MYO5B: variants seen among roughly 807,000 people sequenced by gnomAD.
MYO5B encodes the protein myosin VB, also known as unconventional myosin-Vb.
MYO5B carries 143 observed loss-of-function variants against 229.3 expected under a neutral mutation model. That is an observed-to-expected ratio of 0.62 (90% CI 0.54 to 0.72). The LOEUF is 0.72. Ranked by LOEUF, MYO5B falls within the 30% of genes least tolerant of loss-of-function variation. The pLI is 0.00. For synonymous variants in MYO5B, 918 were observed against 885.2 expected (o/e 1.04, Z -0.66); for missense variants, 2,321 against 2,331.0 (o/e 1.00, Z 0.09).
intron 1 of MYO5B, among the ~76,000 whole-genome samples, chr18:50,057,055 CT>C (rs1490595243): frequency 6.6e-6 from 1 of 152,166 alleles, no homozygotes; most frequent in African/African-American, 2.4e-5. Context: ...TAACAAAGAG[CT>C]TTATTGCATC....
chr18:49,919,102 TG>T (rs1271962419), intron 17 of MYO5B, among the ~76,000 whole-genome samples: 1 of 152,240 alleles, frequency 6.6e-6, no homozygotes, highest in African/African-American at 2.4e-5. Flanking sequence ...CAATGGTCAA[TG>T]TGATCCTTTC....
intron 4 of MYO5B, among the ~76,000 whole-genome samples, chr18:50,011,604 G>C (rs1403586602): frequency 6.6e-6 from 1 of 152,004 alleles, no homozygotes; most frequent in African/African-American, 2.4e-5. Flanking sequence ...AGGGAATCTG[G>C]GAACTGCCCG....
chr18:50,100,698 C>G (rs2031637918), intron 1 of MYO5B, among the ~76,000 whole-genome samples: 1 of 152,214 alleles, frequency 6.6e-6, no homozygotes, highest in South Asian at 2.1e-4. Context: ...CCTCTCTTTT[C>G]CAGGTCTAGG....
chr18:49,852,666 C>T (rs555450746), intron 31 of MYO5B, among the ~76,000 whole-genome samples: 20 of 152,184 alleles, frequency 1.3e-4, no homozygotes, highest in South Asian at 6.2e-4. Flanking sequence ...TGCTGAGCCC[C>T]GCCCTCCGAC....
At chr18:50,145,105 G>A (rs1171956134) in intron 1 of MYO5B, among the ~76,000 whole-genome samples, 3 of 152,104 alleles carry the variant, frequency 2.0e-5, no homozygotes, top group Non-Finnish European at 4.4e-5. Flanking sequence ...TCAGCACAGA[G>A]GAAGTTGAGG....
At chr18:50,039,995 C>T (rs916177520) in intron 3 of MYO5B, 148 bp downstream of exon 3, 2 of 881,934 alleles carry the variant, frequency 2.3e-6, no homozygotes, top group Non-Finnish European at 3.7e-6. Flanking sequence ...AAGCCACATT[C>T]ACTGATTGCA....
chr18:49,942,117 G>T (rs1206978206), intron 14 of MYO5B, among the ~76,000 whole-genome samples: 1 of 149,150 alleles, frequency 6.7e-6, no homozygotes, highest in Admixed American at 6.7e-5. Context: ...ATAGTGCTGG[G>T]AAAACTGGCT....
chr18:49,869,186 A>T (rs564197874), intron 27 of MYO5B, among the ~76,000 whole-genome samples: 35 of 152,214 alleles, frequency 2.3e-4, no homozygotes, highest in Admixed American at 1.6e-3. Flanking sequence ...TGCACACTTC[A>T]GAGCATTCAG....
At chr18:49,868,321 A>G (rs895979094) in intron 27 of MYO5B, among the ~76,000 whole-genome samples, 2 of 151,298 alleles carry the variant, frequency 1.3e-5, no homozygotes, top group African/African-American at 4.9e-5. Flanking sequence ...CATTAAGGAG[A>G]AAAAAAAACA....
At chr18:49,999,395 G>A (rs1027318142) in intron 5 of MYO5B, among the ~76,000 whole-genome samples, 1 of 152,246 alleles carries the variant, frequency 6.6e-6, no homozygotes, top group Non-Finnish European at 1.5e-5. Context: ...TCCGACCTGG[G>A]CCGTGGCCAT....
intron 1 of MYO5B, among the ~76,000 whole-genome samples, chr18:50,068,332 A>G (rs1427803184): frequency 2.0e-5 from 3 of 152,234 alleles, no homozygotes; most frequent in East Asian, 1.9e-4. Flanking sequence ...AGCCTGAGTC[A>G]TACTGTATTC....
At chr18:49,943,942 T>C (rs966081053) in intron 14 of MYO5B, among the ~76,000 whole-genome samples, 1 of 152,112 alleles carries the variant, frequency 6.6e-6, no homozygotes, top group Non-Finnish European at 1.5e-5. Context: ...CAGCATGTTA[T>C]GGGGTGGAAG....
chr18:49,906,233 CCT>C (rs550919428), intron 19 of MYO5B, among the ~76,000 whole-genome samples, 184 bp downstream of exon 19: 29 of 152,232 alleles, frequency 1.9e-4, no homozygotes, highest in African/African-American at 5.5e-4. Flanking sequence ...AGACCTACCC[CCT>C]GAGGTGAGAA....
chr18:50,006,808 T>G (rs1048397793), intron 4 of MYO5B, among the ~76,000 whole-genome samples: 1 of 152,194 alleles, frequency 6.6e-6, no homozygotes, highest in Admixed American at 6.5e-5. Flanking sequence ...AGAGGCCTGC[T>G]GATCAGCCAG....
At chr18:49,906,366 C>T in intron 19 of MYO5B, 53 bp downstream of exon 19, 7 of 1,553,828 alleles carry the variant, frequency 4.5e-6, no homozygotes, top group Non-Finnish European at 6.2e-6. Flanking sequence ...AAAGGCAGAC[C>T]CCCATCTTCC....
chr18:50,127,033 A>C (rs1009988247), intron 1 of MYO5B, among the ~76,000 whole-genome samples: 6 of 152,332 alleles, frequency 3.9e-5, no homozygotes, highest in African/African-American at 7.2e-5. Context: ...CATAATCATT[A>C]TTACCTTATT....
chr18:50,074,546 C>G (rs1409932626), intron 1 of MYO5B, among the ~76,000 whole-genome samples: 1 of 152,170 alleles, frequency 6.6e-6, no homozygotes, highest in Non-Finnish European at 1.5e-5. Context: ...AATTCTAGCT[C>G]GATAGGTCTT....
At chr18:50,080,357 CCAAT>C (rs563933410) in intron 1 of MYO5B, among the ~76,000 whole-genome samples, 5 of 152,118 alleles carry the variant, frequency 3.3e-5, no homozygotes, top group Non-Finnish European at 7.3e-5. Flanking sequence ...TCCAGGGCAG[CCAAT>C]CAAAGCAACT....
At chr18:50,143,084 T>C (rs1250530234) in intron 1 of MYO5B, among the ~76,000 whole-genome samples, 5 of 152,238 alleles carry the variant, frequency 3.3e-5, no homozygotes, top group African/African-American at 4.8e-5. Flanking sequence ...TTAATCTAAA[T>C]GAAGCATTTA....
Sources: allele counts gnomAD v4.1 joint callset (sites outside exome capture counted in the v4.1 genomes callset), GRCh38; gene constraint gnomAD v4.1.1; transcripts MANE v1.5; gene names NCBI Gene and HGNC (gene_info 2026-07-23, HGNC 2026-07-21).